The following HCFC2 variants were observed in gnomAD, a reference collection of about 807,000 sequenced individuals.
HCFC2 encodes host cell factor C2.
HCFC2 carries 18 observed loss-of-function variants against 89.2 expected under a neutral mutation model. The observed-to-expected ratio is 0.20, with a 90% CI of 0.14 to 0.30. The LOEUF is 0.30. Among genes scored for constraint, HCFC2 ranks in the 10% least tolerant of loss-of-function variants. The probability of loss-of-function intolerance (pLI) is 1.00; values close to 1 mark genes in which losing one functional copy is unlikely to be tolerated. For missense variants in HCFC2, 578 were observed against 956.1 expected (o/e 0.60, Z 5.21); for synonymous variants, 308 against 335.7 (o/e 0.92, Z 0.90).
chr12:104,087,624 A>C (rs1233251365), intron 8 of HCFC2, among the ~76,000 whole-genome samples: 1 of 151,814 alleles, frequency 6.6e-6, no homozygotes, highest in African/African-American at 2.4e-5. Flanking sequence ...TACCATTATG[A>C]TGTAGTAGAA....
In HCFC2 at chr12:104,072,703, C is replaced by T. The variant is rs375717898; in HGVS notation, c.473+4596C>T. Among the ~76,000 whole-genome samples the T allele has an allele frequency of 4.6e-4, 70 of 151,006 alleles. No individual in the cohort carries two copies. In the South Asian group the frequency reaches 0.012, roughly 27 times the overall value. ...TGTCGCCCAGGCTGGAGTGCAGTGG[C>T]GCAATCTCAGCTCACTGCAAGCTCC... is the stretch of plus-strand genomic sequence containing the variant. On this transcript the variant is annotated intron_variant, in intron 3 of 14. Coordinates refer to ENST00000229330, the MANE Select transcript of HCFC2 (RefSeq NM_013320.3).
chr12:104,064,591 C>T lies in HCFC2; in HGVS notation c.31C>T (p.Arg11Ter). ...GGCTCCCAGCCTCCTCAACTGGAGG[C>T]GAGTTTCTTCCTTCACGGGGCCGGT... MAAPSLLNWR[R>*]VSSFTGPVPR... The change falls in exon 1 of 15, where the codon CGA (arginine) becomes TGA (stop). Residue 11 changes from arginine to a stop codon, truncating the protein, a stop_gained. Coordinates refer to ENST00000229330, the MANE Select transcript of HCFC2 (RefSeq NM_013320.3). LOFTEE classifies it high-confidence loss of function. This position sits in a 1 kb window ranked among gnomAD's most constrained non-coding sequence, Gnocchi z 7.3. The T allele has an allele frequency of 6.4e-7, 1 of 1,567,072 alleles. No individual in the cohort carries two copies.
chr12:104,090,385 A>G (rs1006866707), intron 9 of HCFC2, among the ~76,000 whole-genome samples: 2 of 152,112 alleles, frequency 1.3e-5, no homozygotes, highest in African/African-American at 2.4e-5. Context: ...AATTTCAACA[A>G]TGGTGTGCCT....
Position 104,106,085 on chromosome 12 carries a change from C to T in HCFC2, c.*2812C>T, listed in dbSNP as rs536390467. The T allele has an allele frequency of 1.1e-4, 16 of 152,114 alleles. No homozygotes were observed. The highest frequency in any genetic ancestry group is 2.6e-4 in the Admixed American group (4 of 15,288). 9.4% of individuals were successfully genotyped at this position (152,114 alleles called of 1,614,324 possible). The stretch of plus-strand genomic sequence containing the variant: ...TAATTAGACATAGGGTATATATAAA[C>T]TCAATTTTATCTGCATTTTTTAAAA... On this transcript the variant is annotated 3_prime_UTR_variant, in exon 15 of 15. Transcript: ENST00000229330.
chr12:104,067,201 T>TG (rs775600917), intron 2 of HCFC2, among the ~76,000 whole-genome samples: 3 of 152,246 alleles, frequency 2.0e-5, no homozygotes, highest in Non-Finnish European at 2.9e-5. Flanking sequence ...AAAATCACCA[T>TG]GCCTGGCCCC....
At chr12:104,101,929 T>G in intron 13 of HCFC2, 39 bp from the exon 14 acceptor site, 1 of 1,346,238 alleles carries the variant, frequency 7.4e-7, no homozygotes, top group Non-Finnish European at 1.0e-6. Context: ...ATATATTAGT[T>G]GTACCTTTTC....
rs10548495 is a variant in HCFC2 at position 104,087,410 on chromosome 12, CGTGTGTGTGTGTGTGTGTGTGT to C, written c.1231+407_1231+428del. ...ACACAAGCACACATATACTGCAGTA[CGTGTGTGTGTGTGTGTGTGTGT>C]GTGTGTGTGTATGTGTGTGTGTATA... is the stretch of plus-strand genomic sequence containing the variant. On this transcript the variant is annotated intron_variant, in intron 8 of 14. Transcript: ENST00000229330. Among the ~76,000 whole-genome samples, 4 of 133,202 alleles carry C rather than the reference CGTGTGTGTGTGTGTGTGTGTGT, an allele frequency of 3.0e-5. No homozygotes were observed. In the East Asian group the frequency reaches 6.7e-4, roughly 22 times the overall value. 87.4% of individuals were successfully genotyped at this position (133,202 alleles called of 152,430 possible). A position where few individuals can be genotyped will look rare whatever the true frequency, so the allele number is the denominator to read the frequency against.
intron 5 of HCFC2, among the ~76,000 whole-genome samples, chr12:104,081,428 C>T (rs749110005): frequency 5.3e-5 from 8 of 152,130 alleles, no homozygotes; most frequent in Non-Finnish European, 1.0e-4. Flanking sequence ...ATGAAGTGAG[C>T]ACTCCATAAA....
intron 9 of HCFC2, among the ~76,000 whole-genome samples, chr12:104,089,966 A>T (rs1462781804): frequency 6.6e-6 from 1 of 152,030 alleles, no homozygotes; most frequent in Non-Finnish European, 1.5e-5. Flanking sequence ...GTCCTTATGT[A>T]CTGGTTCTTC....
At chr12:104,089,314 T>C (rs1206024743) in intron 9 of HCFC2, among the ~76,000 whole-genome samples, 2 of 151,990 alleles carry the variant, frequency 1.3e-5, no homozygotes, top group Non-Finnish European at 2.9e-5. Flanking sequence ...AGATCGAGAC[T>C]ATCCTGACTA....
At chr12:104,093,605 G>A (rs774430326) in intron 10 of HCFC2, 42 bp downstream of exon 10, 58 of 1,508,304 alleles carry the variant, frequency 3.8e-5, no homozygotes, top group Admixed American at 2.6e-4. Context: ...TTATAAAATC[G>A]GTGGGGAATT....
chr12:104,074,676 TTTC>T (rs1381610098), intron 3 of HCFC2, among the ~76,000 whole-genome samples: 3 of 152,194 alleles, frequency 2.0e-5, no homozygotes, highest in Admixed American at 2.0e-4. Context: ...ACAGAATTCT[TTTC>T]TTTGCTGAAT....
rs1466935501 is a variant in HCFC2, at chr12:104,103,162, A to G, written c.2268A>G (p.Thr756=). The part of the protein sequence containing the change: ...GQLANAHIDY[T]SRPAIVFRIS... Reference sequence around the variant, plus strand: ...TTGCAAATGCACATATTGATTATACATCCAGGCCTGCCATTGTGTTCAGGA... The same window carrying G: ...TTGCAAATGCACATATTGATTATACGTCCAGGCCTGCCATTGTGTTCAGGA... The change falls in exon 15 of 15, where the codon ACA becomes ACG. Residue 756 remains threonine, a synonymous_variant. Transcript: ENST00000229330. 6.2e-7 allele frequency: 1 copy of G among 1,614,138 alleles called. No homozygotes were observed. The highest frequency in any genetic ancestry group is 8.5e-7 in the Non-Finnish European group (1 of 1,179,976).
At chr12:104,082,988 A>G (rs144648435) in intron 7 of HCFC2, 87 bp downstream of exon 7, 3 of 890,420 alleles carry the variant, frequency 3.4e-6, no homozygotes, top group East Asian at 5.0e-5. Context: ...AAATGCTACT[A>G]CCTCTTGTTT....
intron 9 of HCFC2, among the ~76,000 whole-genome samples, chr12:104,092,806 A>T (rs757923707): frequency 7.9e-5 from 12 of 152,152 alleles, no homozygotes; most frequent in Non-Finnish European, 1.2e-4. Context: ...AATTTTTTTT[A>T]AAAAGTGTGA....
chr12:104,079,932 TAA>T (rs1275325850), intron 4 of HCFC2, among the ~76,000 whole-genome samples: 1 of 152,192 alleles, frequency 6.6e-6, no homozygotes, highest in Non-Finnish European at 1.5e-5. Context: ...TTGTCTTGTG[TAA>T]TTATCAATAG....
intron 9 of HCFC2, among the ~76,000 whole-genome samples, chr12:104,089,162 A>C (rs1316047879): frequency 6.6e-6 from 1 of 151,988 alleles, no homozygotes; most frequent in Non-Finnish European, 1.5e-5. Context: ...TATTTTCCAT[A>C]TGTGTTTGGT....
Position 104,102,997 on chromosome 12 carries a change from C to T in HCFC2, c.2103C>T (p.Thr701=). 6.2e-7 allele frequency: 1 copy of T among 1,612,574 alleles called. No individual in the cohort carries two copies. Among genetic ancestry groups the T allele is most frequent in the South Asian group, 1.1e-5 (1 of 91,004 alleles). The change falls in exon 15 of 15, where the codon ACC becomes ACT. Residue 701 remains threonine (T), a synonymous_variant. Transcript: ENST00000229330. ...EGIHLSWEPP[T]SPSGNILEYS... is the part of the protein sequence containing the mutation. ...TCCACCTTTCCTGGGAACCTCCAAC[C>T]TCACCTTCTGGAAATATTTTGGAAT...
intron 8 of HCFC2, among the ~76,000 whole-genome samples, chr12:104,087,459 ATATATACATATATATATATATATATG>A (rs1883894469): frequency 4.4e-4 from 2 of 4,538 alleles, no homozygotes; most frequent in Non-Finnish European, 1.0e-3. Context: ...GTGTGTATAT[ATATATACATATATATATATATATATG>A]TATATATATA....
Sources: gnomAD v4.1 joint callset for allele counts (sites outside exome capture counted in the v4.1 genomes callset) on GRCh38, gnomAD v4.1.1 for gene constraint, Gnocchi (gnomAD v3.1) non-coding constraint, MANE v1.5 for transcripts, NCBI Gene and HGNC (gene_info 2026-07-23, HGNC 2026-07-21) for gene names.